MAGI2: variants seen among roughly 807,000 people sequenced by gnomAD.
MAGI2 encodes membrane associated guanylate kinase, WW and PDZ domain containing 2, also known as membrane-associated guanylate kinase, WW and PDZ domain-containing protein 2.
A neutral mutation model predicts 133.3 loss-of-function variants in MAGI2; 35 were observed. The ratio of observed to expected loss-of-function variants is 0.26; its 90% confidence interval spans 0.20 to 0.35. The LOEUF is 0.35. Ranked by LOEUF, MAGI2 falls within the 10% of genes least tolerant of loss-of-function variation. The pLI is 1.00. For missense variants in MAGI2, 1,636 were observed against 1,863.4 expected (o/e 0.88, Z 2.25); for synonymous variants, 729 against 710.6 (o/e 1.03, Z -0.41).
chr7:78,264,492 G>A (rs1486111855), intron 9 of MAGI2, among the ~76,000 whole-genome samples: 1 of 152,196 alleles, frequency 6.6e-6, no homozygotes, highest in Non-Finnish European at 1.5e-5. Context: ...ATGGAGGCAT[G>A]CAGTGAAGCA....
chr7:79,410,929 A>G (rs1227410530), intron 1 of MAGI2: 1 of 152,210 alleles, frequency 6.6e-6, no homozygotes, highest in East Asian at 1.9e-4. Context: ...CTACTTATAT[A>G]CATTCAGGTA....
intron 21 of MAGI2, among the ~76,000 whole-genome samples, chr7:78,075,899 T>C (rs972158728): frequency 6.6e-6 from 1 of 152,180 alleles, no homozygotes; most frequent in African/African-American, 2.4e-5. Flanking sequence ...TCAGCTTAGA[T>C]TTTGCCAGAC....
chr7:78,305,432 G>A (rs1394543102), intron 9 of MAGI2, among the ~76,000 whole-genome samples: 1 of 152,160 alleles, frequency 6.6e-6, no homozygotes, highest in Non-Finnish European at 1.5e-5. Flanking sequence ...GTAGCCTGGT[G>A]CCTAATCATA....
intron 1 of MAGI2, among the ~76,000 whole-genome samples, chr7:79,244,230 C>T (rs906455595): frequency 1.3e-5 from 2 of 152,284 alleles, no homozygotes; most frequent in East Asian, 3.9e-4. Context: ...ATCATCCATC[C>T]TCCTCACAGG....
intron 2 of MAGI2, among the ~76,000 whole-genome samples, chr7:78,721,241 C>T (rs1297946702): frequency 6.6e-6 from 1 of 151,960 alleles, no homozygotes; most frequent in Admixed American, 6.6e-5. Context: ...TCTTTTAGGT[C>T]ACCTAAGCAG....
At chr7:79,160,822 C>G (rs1400016057) in intron 1 of MAGI2, among the ~76,000 whole-genome samples, 1 of 151,948 alleles carries the variant, frequency 6.6e-6, no homozygotes, top group Non-Finnish European at 1.5e-5. Flanking sequence ...CTGGTATATC[C>G]TCCCATCAAA....
intron 6 of MAGI2, among the ~76,000 whole-genome samples, chr7:78,440,595 A>T (rs1046762416): frequency 6.6e-5 from 10 of 152,184 alleles, no homozygotes; most frequent in African/African-American, 2.4e-4. Context: ...ACATAAAAAC[A>T]CATAGAAAAC....
intron 1 of MAGI2, among the ~76,000 whole-genome samples, chr7:79,207,464 A>G (rs180682315): frequency 3.1e-4 from 47 of 152,094 alleles, no homozygotes; most frequent in African/African-American, 1.1e-3. Flanking sequence ...TTCCACTTAT[A>G]ATTGCTACAA....
intron 18 of MAGI2, 110 bp from the exon 19 acceptor site, chr7:78,127,526 T>C (rs1257672137): frequency 8.4e-6 from 6 of 716,472 alleles, no homozygotes; most frequent in Non-Finnish European, 1.4e-5. Flanking sequence ...CACAAACCAC[T>C]CCTCTCGGTG....
At chr7:78,716,350 C>T (rs562214876) in intron 2 of MAGI2, among the ~76,000 whole-genome samples, 113 of 152,070 alleles carry the variant, frequency 7.4e-4, no homozygotes, top group South Asian at 1.5e-3. Flanking sequence ...GAGAAAATTG[C>T]CTAGAATCAG....
chr7:78,036,853 A>T (rs1384284497), intron 21 of MAGI2, among the ~76,000 whole-genome samples: 1 of 152,100 alleles, frequency 6.6e-6, no homozygotes, highest in Non-Finnish European at 1.5e-5. Context: ...ATCTCAAGCA[A>T]TCCACCCTCT....
At chr7:78,847,262 C>T (rs2151474389) in intron 2 of MAGI2, among the ~76,000 whole-genome samples, 1 of 151,886 alleles carries the variant, frequency 6.6e-6, no homozygotes, top group African/African-American at 2.4e-5. Flanking sequence ...ACAAATATGC[C>T]TCATACATGG....
At chr7:78,208,965 G>A (rs867125571) in intron 10 of MAGI2, among the ~76,000 whole-genome samples, 15 of 151,884 alleles carry the variant, frequency 9.9e-5, no homozygotes, top group South Asian at 4.2e-4. Context: ...GCTCACGCCT[G>A]TAATCCCAGC....
chr7:78,989,328 G>T (rs1458231669), intron 2 of MAGI2, among the ~76,000 whole-genome samples: 1 of 152,032 alleles, frequency 6.6e-6, no homozygotes, highest in Non-Finnish European at 1.5e-5. Context: ...TACCTGTGAT[G>T]TCTTATACAC....
intron 6 of MAGI2, among the ~76,000 whole-genome samples, chr7:78,389,603 T>G (rs925995879): frequency 6.6e-6 from 1 of 152,196 alleles, no homozygotes. Context: ...ACACGGAATT[T>G]TGGCTTCCTG....
intron 1 of MAGI2, among the ~76,000 whole-genome samples, chr7:79,007,855 C>T (rs1295825075): frequency 6.6e-6 from 1 of 151,564 alleles, no homozygotes; most frequent in African/African-American, 2.4e-5. Context: ...AGTATATCTA[C>T]AAATGTTTTT....
At chr7:78,627,893 C>A (rs1808544852) in intron 2 of MAGI2, among the ~76,000 whole-genome samples, 1 of 152,196 alleles carries the variant, frequency 6.6e-6, no homozygotes, top group Non-Finnish European at 1.5e-5. Flanking sequence ...CTTTCTCTGA[C>A]TCCATCACAC....
At chr7:79,266,815 A>AC (rs753411574) in intron 1 of MAGI2, among the ~76,000 whole-genome samples, 10 of 151,916 alleles carry the variant, frequency 6.6e-5, no homozygotes, top group Non-Finnish European at 1.0e-4. Flanking sequence ...CCTGACAGAC[A>AC]CCCCCCCAAA....
chr7:78,125,608 T>C, intron 20 of MAGI2, 86 bp downstream of exon 20: 1 of 1,436,396 alleles, frequency 7.0e-7, no homozygotes, highest in Middle Eastern at 1.8e-4. Flanking sequence ...CAACCCCGCT[T>C]GACAGCATGC....
Sources: gnomAD v4.1 joint callset for allele counts (sites outside exome capture counted in the v4.1 genomes callset) on GRCh38, gnomAD v4.1.1 for gene constraint, MANE v1.5 for transcripts, NCBI Gene and HGNC (gene_info 2026-07-23, HGNC 2026-07-21) for gene names.